Variants in COL21A1 observed in about 807,000 individuals in gnomAD.
COL21A1 encodes collagen type XXI alpha 1 chain, also known as collagen alpha-1(XXI) chain.
Under a neutral mutation model 137.9 loss-of-function variants are expected in COL21A1, and 149 were observed. The ratio of observed to expected loss-of-function variants is 1.08; its 90% CI spans 0.95 to 1.24. The LOEUF (loss-of-function observed/expected upper bound fraction) is 1.24. Among genes scored for constraint, COL21A1 ranks in the 50% most tolerant of loss-of-function variants. The pLI is 0.00. For synonymous variants in COL21A1, 456 were observed against 391.5 expected (o/e 1.16, Z -1.95); for missense variants, 1,167 against 1,158.4 (o/e 1.01, Z -0.11).
chr6:56,351,108 C>T (rs1217319416), intron 1 of COL21A1, among the ~76,000 whole-genome samples: 1 of 152,236 alleles, frequency 6.6e-6, no homozygotes, highest in Non-Finnish European at 1.5e-5. Flanking sequence ...AAGCTAACAA[C>T]CTAGCAAGGA....
intron 1 of COL21A1, among the ~76,000 whole-genome samples, chr6:56,223,235 AT>A (rs999498952): frequency 1.3e-5 from 2 of 151,870 alleles, no homozygotes; most frequent in Non-Finnish European, 2.9e-5. Flanking sequence ...GGAGCATGTT[AT>A]TTTTTTAATA....
chr6:56,173,428 G>GGGGAAAA (rs757976551), intron 3 of COL21A1, among the ~76,000 whole-genome samples: 8 of 151,230 alleles, frequency 5.3e-5, no homozygotes, highest in Non-Finnish European at 1.2e-4. Flanking sequence ...GAAGGGAAGG[G>GGGGAAAA]GGGAAAAGGG....
rs80079956 is a variant in COL21A1, at chr6:56,386,743, T to C, written c.-39+7228A>G. 3.4e-3 allele frequency among the ~76,000 whole-genome samples: 514 copies of C among 152,272 alleles called. 2 individuals carry two copies. Among genetic ancestry groups the C allele is most frequent in the African/African-American group, 0.012 (492 of 41,554 alleles). ...TAAATAACTGAATTTGAAGGTTGTA[T>C]GTAAGAAGGATTTTAAAGGAAGCAA... On this transcript the variant is annotated intron_variant, in intron 1 of 28. Transcript: ENST00000370819.
At chr6:56,255,808 G>A (rs1039099788) in intron 1 of COL21A1, among the ~76,000 whole-genome samples, 7 of 152,178 alleles carry the variant, frequency 4.6e-5, no homozygotes, top group Non-Finnish European at 7.3e-5. Context: ...CAAGAAAGCC[G>A]CAATGTACCT....
chr6:56,147,204 G>A (rs1376766722), intron 10 of COL21A1, among the ~76,000 whole-genome samples: 2 of 152,058 alleles, frequency 1.3e-5, no homozygotes, highest in Admixed American at 1.3e-4. Flanking sequence ...CATACTCAAA[G>A]AGAGGCGATC....
At chr6:56,315,354 A>G (rs1012458019) in intron 1 of COL21A1, among the ~76,000 whole-genome samples, 3 of 152,214 alleles carry the variant, frequency 2.0e-5, no homozygotes, top group East Asian at 1.9e-4. Context: ...AGAGTTCTCT[A>G]CAAACACGGC....
chr6:56,262,083 T>C (rs757963753), intron 1 of COL21A1, among the ~76,000 whole-genome samples: 16 of 152,220 alleles, frequency 1.1e-4, no homozygotes, highest in Non-Finnish European at 2.1e-4. Flanking sequence ...TTTTACTTAT[T>C]AATGCATTCG....
intron 1 of COL21A1, among the ~76,000 whole-genome samples, chr6:56,185,668 C>G (rs954310567): frequency 1.3e-5 from 2 of 151,856 alleles, no homozygotes; most frequent in Non-Finnish European, 2.9e-5. Flanking sequence ...ATCTCCTGAC[C>G]TCATGATCCA....
chr6:56,239,547 G>T, intron 1 of COL21A1, among the ~76,000 whole-genome samples: 1 of 151,902 alleles, frequency 6.6e-6, no homozygotes, highest in East Asian at 1.9e-4. Context: ...CCAACAAAAA[G>T]CCATAATTCA....
At chr6:56,169,755 C>A (rs1776880791) in intron 5 of COL21A1, among the ~76,000 whole-genome samples, 1 of 151,970 alleles carries the variant, frequency 6.6e-6, no homozygotes, top group Admixed American at 6.6e-5. Flanking sequence ...ATTTTCCCAT[C>A]CACACTCCAC....
chr6:56,256,887 GA>G (rs140633422), intron 1 of COL21A1, among the ~76,000 whole-genome samples: 7,924 of 152,086 alleles, frequency 0.052, 291 homozygotes, highest in Non-Finnish European at 0.074. Flanking sequence ...GGTTCAGTTA[GA>G]ATTTATCCAT....
chr6:56,123,065 C>T (rs62412809), intron 16 of COL21A1, among the ~76,000 whole-genome samples: 22,858 of 152,100 alleles, frequency 0.15, 1,748 homozygotes, highest in Middle Eastern at 0.22. Flanking sequence ...GCTTAGGTTG[C>T]AGGCAAAGAT....
chr6:56,274,458 A>G (rs546172430), intron 1 of COL21A1, among the ~76,000 whole-genome samples: 2 of 152,332 alleles, frequency 1.3e-5, no homozygotes, highest in East Asian at 1.9e-4. Context: ...GATTCTGTAC[A>G]TAGAAAACTC....
chr6:56,099,467 G>T (rs200017412), intron 17 of COL21A1, among the ~76,000 whole-genome samples: 1 of 149,930 alleles, frequency 6.7e-6, no homozygotes, highest in Non-Finnish European at 1.5e-5. Flanking sequence ...CGATCTCCTG[G>T]CCTCGTGATC....
chr6:56,275,436 G>A (rs1200197735), intron 1 of COL21A1, among the ~76,000 whole-genome samples: 3 of 151,964 alleles, frequency 2.0e-5, no homozygotes, highest in South Asian at 2.1e-4. Context: ...ACCTACAAAC[G>A]GGGAGAAAAT....
chr6:56,317,957 T>C (rs1178879215), intron 1 of COL21A1, among the ~76,000 whole-genome samples: 3 of 152,200 alleles, frequency 2.0e-5, no homozygotes, highest in African/African-American at 7.2e-5. Flanking sequence ...GTAGCAAAGT[T>C]ACAATTTGAC....
chr6:56,142,405 C>T (rs1044012094), intron 10 of COL21A1, among the ~76,000 whole-genome samples: 1 of 152,122 alleles, frequency 6.6e-6, no homozygotes, highest in African/African-American at 2.4e-5. Flanking sequence ...ATAAATTAAT[C>T]TTTAATTAAT....
At chr6:56,145,491 A>C (rs984483137) in intron 10 of COL21A1, among the ~76,000 whole-genome samples, 2 of 152,174 alleles carry the variant, frequency 1.3e-5, no homozygotes, top group African/African-American at 4.8e-5. Context: ...TTGGACTAAA[A>C]ACCAGGAAAA....
Position 56,126,103 on chromosome 6 carries a change from C to A in COL21A1, c.1589G>T (p.Gly530Val). Residue 530 changes from glycine (G) to valine (V), a missense_variant, in exon 13 of 30, where the codon GGA becomes GTA. Coordinates refer to ENST00000244728, the MANE Select transcript of COL21A1 (RefSeq NM_030820.4). ...PGFPGLHGMP[G>V]SKGEMGAKGD... The stretch of plus-strand genomic sequence containing the variant: ...GAAACAGATTTCTTCAACCTTTGAT[C>A]CTGGCATGCCATGAAGCCCAGGAAA... The A allele has an allele frequency of 2.6e-6, 4 of 1,544,640 alleles. No individual in the cohort carries two copies. In the South Asian group the frequency reaches 4.9e-5, roughly 19 times the overall value.
Sources: gnomAD v4.1 joint callset for allele counts (sites outside exome capture counted in the v4.1 genomes callset) on GRCh38, gnomAD v4.1.1 for gene constraint, MANE v1.5 for transcripts, NCBI Gene and HGNC (gene_info 2026-07-23, HGNC 2026-07-21) for gene names.